KIAA1671: variants seen among roughly 807,000 people sequenced by gnomAD.
KIAA1671 encodes the protein KIAA1671, also known as uncharacterized protein KIAA1671.
Under a neutral mutation model 131.2 loss-of-function variants are expected in KIAA1671, and 52 were observed. That is an observed-to-expected ratio of 0.40 (90% CI 0.32 to 0.50). The LOEUF (loss-of-function observed/expected upper bound fraction) is 0.50. Ranked by LOEUF, KIAA1671 falls within the 20% of genes least tolerant of loss-of-function variation. KIAA1671 has a pLI of 0.73. For missense variants in KIAA1671, 2,360 were observed against 2,364.2 expected, an observed-to-expected ratio of 1.00 and a Z score of 0.04; for synonymous variants, 1,003 against 961.6, an observed-to-expected ratio of 1.04 and a Z score of -0.80.
rs11705626 is a variant in KIAA1671 at position 25,039,992 on chromosome 22, C to G, written c.2862C>G (p.Pro954=). 35 of 1,551,048 alleles carry G rather than the reference C, an allele frequency of 2.3e-5. No individual in the cohort carries two copies. The highest frequency in any genetic ancestry group is 1.1e-4 in the South Asian group (9 of 84,048). ...GATGGCGGCGGCGGACTTTACCCCC[C>G]AACGTGAAATTTGATACATTCAGTT... ...MDRWRRRTLP[P]NVKFDTFSSL... is the part of the protein sequence containing the mutation. Residue 954 remains proline, a synonymous_variant, in exon 5 of 13, where the codon CCC becomes CCG. Transcript: ENST00000358431.
chr22:25,162,594 C>T (rs756134219), intron 6 of KIAA1671, among the ~76,000 whole-genome samples: 2 of 152,202 alleles, frequency 1.3e-5, no homozygotes, highest in Non-Finnish European at 2.9e-5. Flanking sequence ...AAACATATTT[C>T]TCCAACAAAT....
chr22:25,151,113 C>T (rs958406257), intron 6 of KIAA1671, among the ~76,000 whole-genome samples: 36 of 151,844 alleles, frequency 2.4e-4, no homozygotes, highest in Admixed American at 2.1e-3. Context: ...GGATTACAGG[C>T]GTGAGCCACT....
rs962713418 is a variant in KIAA1671 at position 25,194,357 on chromosome 22, T to A, written c.*1956T>A. 3.3e-5 allele frequency: 5 copies of A among 152,256 alleles called. No individual in the cohort carries two copies. Among genetic ancestry groups the A allele is most frequent in the South Asian group, 2.1e-4 (1 of 4,826 alleles). The allele number at this position is 152,256 out of a possible 1,614,324, so 9.4% of individuals were successfully genotyped here. On this transcript the variant is annotated 3_prime_UTR_variant, in exon 13 of 13. Transcript: ENST00000358431. ...TCCCAAAGTGCTCGGATTACAGACA[T>A]GAGCCACTGCACCTGGCCTGAAACA...
Position 25,040,792 on chromosome 22 carries a change from AGAG to A in KIAA1671, c.3669_3671del (p.Arg1223del). The stretch of plus-strand genomic sequence containing the variant: ...CTGAAAGTCCCTGGGGAGGCTCAGG[AGAG>A]GAGGAGTCCCACCGTGGAGCCCAGT... On this transcript the variant is annotated inframe_deletion, in exon 5 of 13. Coordinates refer to ENST00000358431, the MANE Select transcript of KIAA1671 (RefSeq NM_001145206.2). The A allele has an allele frequency of 1.9e-6, 3 of 1,551,728 alleles. No individual in the cohort carries two copies. Among genetic ancestry groups the A allele is most frequent in the Non-Finnish European group, 2.6e-6 (3 of 1,147,010 alleles).
intron 1 of KIAA1671, chr22:25,009,985 C>T (rs1167932941): frequency 6.6e-6 from 1 of 152,214 alleles, no homozygotes; most frequent in Non-Finnish European, 1.5e-5. Flanking sequence ...CCTCATCCCA[C>T]TCTCTCCACC....
intron 9 of KIAA1671, chr22:25,179,594 T>C: frequency 1.5e-6 from 2 of 1,306,128 alleles, no homozygotes; most frequent in Non-Finnish European, 2.1e-6. Context: ...GCCCAATGCG[T>C]TGGCCTCCAG....
At chr22:25,067,084 A>G (rs1277399879) in intron 6 of KIAA1671, among the ~76,000 whole-genome samples, 2 of 152,092 alleles carry the variant, frequency 1.3e-5, no homozygotes, top group Non-Finnish European at 1.5e-5. Flanking sequence ...GAGCAGGATA[A>G]CCAGGACTGG....
chr22:25,147,298 T>C (rs1932899990), intron 6 of KIAA1671, among the ~76,000 whole-genome samples: 1 of 152,026 alleles, frequency 6.6e-6, no homozygotes, highest in Non-Finnish European at 1.5e-5. Flanking sequence ...GTTCAAGTGA[T>C]TCTCCTGCCT....
intron 1 of KIAA1671, among the ~76,000 whole-genome samples, chr22:24,980,461 G>A (rs9620476): frequency 0.051 from 7,663 of 151,390 alleles, 550 homozygotes; most frequent in African/African-American, 0.15. Context: ...TAGTAGAGAC[G>A]GGGTTTCTCC....
intron 1 of KIAA1671, among the ~76,000 whole-genome samples, 188 bp from the exon 2 acceptor site, chr22:25,025,445 C>T (rs1349605294): frequency 1.3e-5 from 2 of 152,148 alleles, no homozygotes; most frequent in Non-Finnish European, 2.9e-5. Flanking sequence ...TGAGCACGTA[C>T]TGTGGGCTCA....
chr22:24,958,565 C>T (rs986571640), intron 1 of KIAA1671, among the ~76,000 whole-genome samples: 2 of 148,994 alleles, frequency 1.3e-5, no homozygotes, highest in Non-Finnish European at 3.0e-5. Flanking sequence ...GCAGGAGAAT[C>T]CCTTGAACCC....
chr22:25,054,805 CAA>C (rs1254022576), intron 6 of KIAA1671: 1 of 149,604 alleles, frequency 6.7e-6, no homozygotes, highest in Non-Finnish European at 1.5e-5. Context: ...AGTTCGAGAC[CAA>C]AGAGTCTGAG....
intron 6 of KIAA1671, among the ~76,000 whole-genome samples, chr22:25,162,422 G>A (rs1353676426): frequency 6.6e-6 from 1 of 152,196 alleles, no homozygotes; most frequent in Non-Finnish European, 1.5e-5. Context: ...GTGTGCCACC[G>A]AGCACTGCCC....
At chr22:25,068,163 C>T (rs1187574949) in intron 6 of KIAA1671, among the ~76,000 whole-genome samples, 1 of 149,378 alleles carries the variant, frequency 6.7e-6, no homozygotes, top group Non-Finnish European at 1.5e-5. Flanking sequence ...GCAGGGCCGG[C>T]CTTCCGACTG....
intron 1 of KIAA1671, among the ~76,000 whole-genome samples, chr22:24,982,337 A>T (rs1394040029): frequency 6.6e-6 from 1 of 152,168 alleles, no homozygotes; most frequent in Non-Finnish European, 1.5e-5. Context: ...AAGTGGCCTT[A>T]CTCTCTCTTT....
Position 25,033,114 on chromosome 22 carries a change from G to A in KIAA1671, c.1629+418G>A, listed in dbSNP as rs998381124. 2.6e-5 allele frequency among the ~76,000 whole-genome samples: 4 copies of A among 152,250 alleles called. 1 individual carries two copies. The South Asian group carries it at 8.3e-4, about 32-fold the overall frequency. ...GAAGAAGTAGGTGGCTGGGCACAGTGGCTCACATTTGTAATCCCAGCACTT... is the reference window on the plus strand; with the variant it reads ...GAAGAAGTAGGTGGCTGGGCACAGTAGCTCACATTTGTAATCCCAGCACTT... On this transcript the variant is annotated intron_variant, in intron 4 of 12. Coordinates refer to ENST00000358431, the MANE Select transcript of KIAA1671 (RefSeq NM_001145206.2).
chr22:25,119,352 G>A (rs1390872591), intron 6 of KIAA1671, among the ~76,000 whole-genome samples: 1 of 152,144 alleles, frequency 6.6e-6, no homozygotes, highest in Non-Finnish European at 1.5e-5. Context: ...CAGAGTTGAC[G>A]CCAGGATTCT....
At chr22:25,134,273 GATTCTT>G (rs1042226853) in intron 6 of KIAA1671, among the ~76,000 whole-genome samples, 5 of 152,138 alleles carry the variant, frequency 3.3e-5, no homozygotes, top group African/African-American at 1.2e-4. Flanking sequence ...TTGGCAGCTG[GATTCTT>G]GTGTTTACCA....
At position 25,194,267 on chromosome 22, in the gene KIAA1671, G is replaced by C. The variant is rs1934755072; in HGVS notation, c.*1866G>C. 1 of 152,114 alleles carries C rather than the reference G, an allele frequency of 6.6e-6. No individual in the cohort carries two copies. Among genetic ancestry groups the C allele is most frequent in the South Asian group, 2.1e-4 (1 of 4,818 alleles). The allele number at this position is 152,114 out of a possible 1,614,324, so 9.4% of individuals were successfully genotyped here. A position where few individuals can be genotyped will look rare whatever the true frequency, so the allele number is the denominator to read the frequency against. ...TTTTAAATATTTTTGTAGAGACAAG[G>C]GTCTTACCATGTTGCCCAGGCTGGT... On this transcript the variant is annotated 3_prime_UTR_variant, in exon 13 of 13. Coordinates refer to ENST00000358431, the MANE Select transcript of KIAA1671 (RefSeq NM_001145206.2).
Sources: allele counts gnomAD v4.1 joint callset (sites outside exome capture counted in the v4.1 genomes callset), GRCh38; gene constraint gnomAD v4.1.1; transcripts MANE v1.5; gene names NCBI Gene and HGNC (gene_info 2026-07-23, HGNC 2026-07-21).